SCAF11: variants seen among roughly 807,000 people sequenced by gnomAD.
SCAF11 encodes the protein SR-related CTD associated factor 11.
A neutral mutation model predicts 140.5 loss-of-function variants in SCAF11; 47 were observed. The observed-to-expected ratio is 0.33, with a 90% CI of 0.26 to 0.43. The LOEUF is 0.43. Among genes scored for constraint, SCAF11 ranks in the 20% least tolerant of loss-of-function variants. The pLI is 1.00. For synonymous variants in SCAF11, 557 were observed against 579.4 expected, an observed-to-expected ratio of 0.96 and a Z score of 0.55; for missense variants, 1,645 against 1,705.1, an observed-to-expected ratio of 0.96 and a Z score of 0.62.
chr12:45,926,845 T>C lies in SCAF11; in HGVS notation c.2856A>G (p.Ser952=). The C allele has an allele frequency of 6.2e-7, 1 of 1,614,172 alleles. No homozygotes were observed. Among genetic ancestry groups the C allele is most frequent in the Non-Finnish European group, 8.5e-7 (1 of 1,180,032 alleles). Residue 952 remains serine, a synonymous_variant, in exon 11 of 15, where the codon TCA becomes TCG. Transcript: ENST00000369367. The part of the protein sequence containing the change: ...PSRCRTKSKS[S]SFGRIDRDSY... ...TATCTCTGTCAATTCTACCAAATGATGAACTCTTACTTTTTGTTCTACATC... is the reference window on the plus strand; with the variant it reads ...TATCTCTGTCAATTCTACCAAATGACGAACTCTTACTTTTTGTTCTACATC...
chr12:45,987,451 A>G (rs1946482542), intron 1 of SCAF11, among the ~76,000 whole-genome samples: 1 of 152,262 alleles, frequency 6.6e-6, no homozygotes, highest in Admixed American at 6.5e-5. Flanking sequence ...TGTTTAGGTG[A>G]CAAATACTGA....
At position 45,934,214 on chromosome 12, in the gene SCAF11, G is replaced by C. The variant is rs1329829637; in HGVS notation, c.594C>G (p.Ser198Arg). ...AGGTAAAGGAAGATTCTCCAGAGTG[G>C]CTAACAGAAGAAAACATATTGGAGA... ...NFFSNMFSSVSHSGESSFTYR... is the reference protein window; with the variant it reads ...NFFSNMFSSVRHSGESSFTYR... The change falls in exon 8 of 15, where the codon AGC (serine) becomes AGG (arginine). Residue 198 changes from serine (S) to arginine (R), a missense_variant. By Grantham distance (110) the Ser-to-Arg change is moderately radical. Coordinates refer to ENST00000369367, the MANE Select transcript of SCAF11 (RefSeq NM_004719.3). The C allele has an allele frequency of 3.1e-6, 5 of 1,608,892 alleles. No homozygotes were observed. Among genetic ancestry groups the C allele is most frequent in the Non-Finnish European group, 4.3e-6 (5 of 1,176,282 alleles).
chr12:45,934,388 A>C, intron 7 of SCAF11, 59 bp downstream of exon 7: 1 of 1,402,286 alleles, frequency 7.1e-7, no homozygotes, highest in Middle Eastern at 1.9e-4. Flanking sequence ...TTATTTATGG[A>C]CTAAATAACC....
intron 1 of SCAF11, among the ~76,000 whole-genome samples, chr12:45,984,236 C>A (rs1390994110): frequency 6.6e-6 from 1 of 152,144 alleles, no homozygotes; most frequent in Non-Finnish European, 1.5e-5. Context: ...CTTGTTTGTA[C>A]TCCTTAAAGC....
chr12:45,973,011 T>A (rs12813804), intron 1 of SCAF11, among the ~76,000 whole-genome samples: 1 of 137,084 alleles, frequency 7.3e-6, no homozygotes, highest in African/African-American at 2.7e-5. Context: ...GATATATATA[T>A]AGATATATAG....
upstream of SCAF11, among the ~76,000 whole-genome samples, chr12:45,991,151 A>G (rs370697093): frequency 3.9e-5 from 6 of 152,300 alleles, no homozygotes; most frequent in East Asian, 7.7e-4. Context: ...AGAGTCGGCA[A>G]TTTGGAAGCC....
intron 12 of SCAF11, among the ~76,000 whole-genome samples, chr12:45,923,541 G>C (rs1944765970): frequency 6.6e-6 from 1 of 152,158 alleles, no homozygotes; most frequent in African/African-American, 2.4e-5. Flanking sequence ...CAAATGGCTT[G>C]TAGTAAGTTG....
At chr12:45,935,513 A>G (rs1052081844) in intron 6 of SCAF11, among the ~76,000 whole-genome samples, 2 of 152,226 alleles carry the variant, frequency 1.3e-5, no homozygotes, top group African/African-American at 2.4e-5. Flanking sequence ...AGGTACACAG[A>G]TAACACTCTT....
At position 45,945,281 on chromosome 12, in the gene SCAF11, C is replaced by G; in HGVS notation, c.431G>C (p.Ser144Thr). 1 of 1,582,840 alleles carries G rather than the reference C, an allele frequency of 6.3e-7. No homozygotes were observed. Among genetic ancestry groups the G allele is most frequent in the Non-Finnish European group, 8.6e-7 (1 of 1,165,066 alleles). ...RKAIVREDLLSAKVCDLKWIH... is the reference protein window; with the variant it reads ...RKAIVREDLLTAKVCDLKWIH... ...CCACTTCAAGTCACAAACTTTTGCA[C>G]TTAATAGATCTTCTCTTACGATGGC... The change falls in exon 6 of 15, where the codon AGT becomes ACT. Residue 144 changes from serine (S) to threonine (T), a missense_variant. Physicochemically the swap from Ser to Thr is moderately conservative, Grantham distance 58 (BLOSUM62 1). Transcript: ENST00000369367.
chr12:45,920,747 A>T lies in SCAF11; in HGVS notation c.*1301T>A, dbSNP rs577992915. ...GCTAATGGCTACCACCTGGTCACCA[A>T]ATTAACACTTCATTCATTGTAAAGC... On this transcript the variant is annotated 3_prime_UTR_variant, in exon 15 of 15. Coordinates refer to ENST00000369367, the MANE Select transcript of SCAF11 (RefSeq NM_004719.3). The T allele has an allele frequency of 1.3e-5, 2 of 152,750 alleles. No individual in the cohort carries two copies. Among genetic ancestry groups the T allele is most frequent in the South Asian group, 4.1e-4 (2 of 4,832 alleles). 9.5% of individuals were successfully genotyped at this position (152,750 alleles called of 1,614,324 possible).
intron 1 of SCAF11, among the ~76,000 whole-genome samples, chr12:45,965,299 A>G (rs1402727911): frequency 6.6e-6 from 1 of 152,196 alleles, no homozygotes; most frequent in African/African-American, 2.4e-5. Flanking sequence ...TATATTTGAA[A>G]AGCACGGAAT....
At position 45,926,992 on chromosome 12, in the gene SCAF11, T is replaced by C. The variant is rs1409012172; in HGVS notation, c.2709A>G (p.Pro903=). 2 of 1,613,228 alleles carry C rather than the reference T, an allele frequency of 1.2e-6. No individual in the cohort carries two copies. Among genetic ancestry groups the C allele is most frequent in the Non-Finnish European group, 1.7e-6 (2 of 1,180,016 alleles). ...TGCTCTGGGACCTGGATTTTTCTCC[T>C]GGGGAAGAATCTTTCACTCTTGGCT... is the stretch of plus-strand genomic sequence containing the variant. ...RSQPRVKDSS[P]GEKSRSQSRE... The change falls in exon 11 of 15, where the codon CCA becomes CCG. Residue 903 remains proline, a synonymous_variant. Coordinates refer to ENST00000369367, the MANE Select transcript of SCAF11 (RefSeq NM_004719.3).
rs141265124 is a variant in SCAF11, at chr12:45,965,906, G to T, written c.-21-1718C>A. Among the ~76,000 whole-genome samples, 384 of 152,282 alleles carry T rather than the reference G, an allele frequency of 2.5e-3. 1 individual carries two copies. Among genetic ancestry groups the T allele is most frequent in the Non-Finnish European group, 3.5e-3 (235 of 68,016 alleles). ...TAACCATAAAAGCAGAAGAAACTTA[G>T]TAGCATATGTAAGAATGATTTAAAG... On this transcript the variant is annotated intron_variant, in intron 1 of 14. Coordinates refer to ENST00000369367, the MANE Select transcript of SCAF11 (RefSeq NM_004719.3).
chr12:45,931,887 T>C (rs1032386184), intron 9 of SCAF11, among the ~76,000 whole-genome samples: 1 of 152,152 alleles, frequency 6.6e-6, no homozygotes, highest in African/African-American at 2.4e-5. Flanking sequence ...ATGTTTCTCT[T>C]TGAAATAATT....
chr12:45,951,208 GGTTTT>G (rs1481799310), intron 4 of SCAF11, among the ~76,000 whole-genome samples: 1 of 151,978 alleles, frequency 6.6e-6, no homozygotes, highest in African/African-American at 2.4e-5. Flanking sequence ...TTGGACTTAA[GGTTTT>G]GTGGGAGTTG....
At chr12:45,930,594 C>T (rs1945020459) in intron 10 of SCAF11, among the ~76,000 whole-genome samples, 1 of 151,652 alleles carries the variant, frequency 6.6e-6, no homozygotes. Flanking sequence ...AGGTGGCGGC[C>T]ACAAAAATTG....
Position 45,927,004 on chromosome 12 carries a change from T to G in SCAF11, c.2697A>C (p.Lys899Asn). 1 of 1,613,528 alleles carries G rather than the reference T, an allele frequency of 6.2e-7. No individual in the cohort carries two copies. Among genetic ancestry groups the G allele is most frequent in the South Asian group, 1.1e-5 (1 of 91,082 alleles). ...RENKRSQPRV[K>N]DSSPGEKSRS... is the part of the protein sequence containing the mutation. ...TGGATTTTTCTCCTGGGGAAGAATCTTTCACTCTTGGCTGAGATCTTTTGT... is the reference window on the plus strand; with the variant it reads ...TGGATTTTTCTCCTGGGGAAGAATCGTTCACTCTTGGCTGAGATCTTTTGT... Residue 899 changes from lysine (K) to asparagine (N), a missense_variant, in exon 11 of 15, where the codon AAA becomes AAC. Transcript: ENST00000369367.
intron 5 of SCAF11, among the ~76,000 whole-genome samples, chr12:45,946,085 TA>T (rs1209816526): frequency 6.6e-6 from 1 of 152,170 alleles, no homozygotes; most frequent in Non-Finnish European, 1.5e-5. Context: ...TTGTCTTTTT[TA>T]AAAGGACCAT....
chr12:45,938,106 A>C (rs1945210628), intron 6 of SCAF11, among the ~76,000 whole-genome samples: 1 of 151,948 alleles, frequency 6.6e-6, no homozygotes, highest in Non-Finnish European at 1.5e-5. Flanking sequence ...TCCCCCTCAT[A>C]CTGTTTTACT....
Sources: gnomAD v4.1 joint callset for allele counts (sites outside exome capture counted in the v4.1 genomes callset) on GRCh38, gnomAD v4.1.1 for gene constraint, MANE v1.5 for transcripts, NCBI Gene and HGNC (gene_info 2026-07-23, HGNC 2026-07-21) for gene names.